OTUD7A: variants seen among roughly 807,000 people sequenced by gnomAD.
The protein encoded by OTUD7A is OTU domain-containing protein 7A.
OTUD7A carries 12 observed loss-of-function variants against 65.7 expected under a neutral mutation model. That is an observed-to-expected ratio of 0.18 (90% CI 0.12 to 0.30). The LOEUF (loss-of-function observed/expected upper bound fraction) is 0.30. Ranked by LOEUF, OTUD7A falls within the 10% of genes least tolerant of loss-of-function variation. OTUD7A has a pLI of 1.00. For missense variants in OTUD7A, 1,148 were observed against 1,304.8 expected, an observed-to-expected ratio of 0.88 and a Z score of 1.85; for synonymous variants, 641 against 586.3, an observed-to-expected ratio of 1.09 and a Z score of -1.35.
intron 1 of OTUD7A, among the ~76,000 whole-genome samples, chr15:31,781,131 T>G (rs1895528306): frequency 6.6e-6 from 1 of 152,166 alleles, no homozygotes; most frequent in African/African-American, 2.4e-5. Flanking sequence ...CCTATGCCCT[T>G]GCTTCTCAGT....
At chr15:31,685,524 T>G (rs1025251080) in intron 1 of OTUD7A, among the ~76,000 whole-genome samples, 3 of 150,252 alleles carry the variant, frequency 2.0e-5, no homozygotes, top group Non-Finnish European at 4.4e-5. Context: ...CCGGGCGTGG[T>G]GGCGGGCGCC....
intron 1 of OTUD7A, chr15:31,767,746 T>C: frequency 1.4e-6 from 1 of 712,718 alleles, no homozygotes; most frequent in Admixed American, 2.2e-5. Context: ...TTTCCTGAGA[T>C]AAATGTAATC....
At chr15:31,689,133 GT>G (rs773395782) in intron 1 of OTUD7A, among the ~76,000 whole-genome samples, 60 of 134,940 alleles carry the variant, frequency 4.4e-4, no homozygotes, top group Admixed American at 1.4e-3. Context: ...CACTACAGTT[GT>G]TTTTTTTTTC....
intron 1 of OTUD7A, among the ~76,000 whole-genome samples, chr15:31,729,318 A>G (rs1893977985): frequency 6.6e-6 from 1 of 152,230 alleles, no homozygotes; most frequent in Non-Finnish European, 1.5e-5. Context: ...TACCCTGTGG[A>G]TGAGCAAAAA....
At chr15:31,563,504 G>A (rs551312407) in intron 4 of OTUD7A, among the ~76,000 whole-genome samples, 31 of 152,216 alleles carry the variant, frequency 2.0e-4, no homozygotes, top group Non-Finnish European at 3.8e-4. Flanking sequence ...GGGTGAGGCC[G>A]ACAGAGAGGG....
intron 1 of OTUD7A, among the ~76,000 whole-genome samples, chr15:31,690,012 G>T (rs556686128): frequency 1.7e-3 from 257 of 152,284 alleles, no homozygotes; most frequent in Middle Eastern, 3.4e-3. Context: ...TTTACCTTTT[G>T]AGGCCATTTA....
chr15:31,818,771 G>T (rs927003778), intron 1 of OTUD7A, among the ~76,000 whole-genome samples: 1 of 152,240 alleles, frequency 6.6e-6, no homozygotes, highest in Admixed American at 6.5e-5. Flanking sequence ...AAGCATTACA[G>T]AACTCATGGT....
rs900613773 is a variant in OTUD7A at position 31,483,421 on chromosome 15, G to C, written c.2675C>G (p.Pro892Arg). The C allele has an allele frequency of 4.8e-5, 66 of 1,368,680 alleles. No homozygotes were observed. The highest frequency in any genetic ancestry group is 6.0e-5 in the Non-Finnish European group (64 of 1,060,716). 84.8% of individuals were successfully genotyped at this position (1,368,680 alleles called of 1,614,324 possible). Reference protein sequence around the residue: ...NGECGRGGPGPVQRRCQRENC... With the variant: ...NGECGRGGPGRVQRRCQRENC... ...CTCGCGCTGGCAGCGCCGCTGCACC[G>C]GCCCCGGGCCGCCACGGCCGCACTC... Residue 892 changes from proline (P) to arginine (R), a missense_variant, in exon 13 of 13, where the codon CCG (proline) becomes CGG (arginine). Physicochemically the swap from Pro to Arg is moderately radical, Grantham distance 103. This residue lies in a region of OTUD7A where 842 missense variants were observed against 769.5 expected (regional missense o/e 1.09). Transcript: ENST00000307050.
chr15:31,740,030 CA>C (rs1211836434), intron 1 of OTUD7A, among the ~76,000 whole-genome samples: 1 of 152,226 alleles, frequency 6.6e-6, no homozygotes, highest in East Asian at 1.9e-4. Context: ...CAGGATTTTA[CA>C]GGTGACAGAC....
chr15:31,690,315 T>A (rs2141316904), intron 1 of OTUD7A, among the ~76,000 whole-genome samples: 1 of 152,268 alleles, frequency 6.6e-6, no homozygotes, highest in South Asian at 2.1e-4. Flanking sequence ...TCACGAATAA[T>A]TTGCATATCT....
intron 2 of OTUD7A, among the ~76,000 whole-genome samples, chr15:31,655,942 A>C (rs1891978856): frequency 6.6e-6 from 1 of 152,140 alleles, no homozygotes. Flanking sequence ...TTATGCCTTT[A>C]TCAGTGTGCC....
chr15:31,777,211 T>C (rs1325013403), intron 1 of OTUD7A, among the ~76,000 whole-genome samples: 1 of 152,118 alleles, frequency 6.6e-6, no homozygotes, highest in African/African-American at 2.4e-5. Flanking sequence ...CATGACAGCC[T>C]TTTGGCAAGG....
chr15:31,668,757 G>A (rs1444567649), intron 1 of OTUD7A, among the ~76,000 whole-genome samples: 1 of 152,118 alleles, frequency 6.6e-6, no homozygotes, highest in East Asian at 1.9e-4. Context: ...TTGGTTTTCT[G>A]GTTTCTTCTC....
Position 31,484,298 on chromosome 15 carries a change from C to T in OTUD7A, c.1798G>A (p.Asp600Asn). The change falls in exon 13 of 13, where the codon GAC becomes AAC. Residue 600 changes from aspartate (D) to asparagine (N), a missense_variant. Asp to Asn is a conservative substitution (Grantham distance 23). Transcript: ENST00000307050. This position sits in a 1 kb window ranked among gnomAD's most constrained non-coding sequence, Gnocchi z 4.5. The stretch of plus-strand genomic sequence containing the variant: ...GCCGGCGACGCGCCCGCTGCCTTGT[C>T]TGTGGGCGACGGCGTGGTCTTTTCC... ...PSEKTTPSPT[D>N]KAAGASPAEK... 1 of 1,595,948 alleles carries T rather than the reference C, an allele frequency of 6.3e-7. No individual in the cohort carries two copies. Among genetic ancestry groups the T allele is most frequent in the Non-Finnish European group, 8.5e-7 (1 of 1,176,142 alleles).
chr15:31,855,587 T>A (rs1897549724), intron 1 of OTUD7A, among the ~76,000 whole-genome samples: 2 of 152,214 alleles, frequency 1.3e-5, no homozygotes, highest in Non-Finnish European at 2.9e-5. Flanking sequence ...TGGAATCTAT[T>A]TAAACAGAGC....
intron 1 of OTUD7A, among the ~76,000 whole-genome samples, chr15:31,693,717 T>C (rs2141320251): frequency 6.6e-6 from 1 of 152,254 alleles, no homozygotes; most frequent in South Asian, 2.1e-4. Flanking sequence ...CCAAAGAGGC[T>C]GTTCTAGCTG....
At chr15:31,837,316 C>T (rs1897077540) in intron 1 of OTUD7A, among the ~76,000 whole-genome samples, 1 of 146,680 alleles carries the variant, frequency 6.8e-6, no homozygotes, top group Non-Finnish European at 1.5e-5. Context: ...ATCATGAGGT[C>T]AAGAGTTCGA....
chr15:31,814,221 G>C (rs779312307), intron 1 of OTUD7A, among the ~76,000 whole-genome samples: 21 of 152,356 alleles, frequency 1.4e-4, no homozygotes, highest in Middle Eastern at 3.4e-3. Context: ...CATCGGCCAT[G>C]CAAGGGTGCT....
chr15:31,507,506 C>T (rs2141089982), intron 8 of OTUD7A, among the ~76,000 whole-genome samples: 1 of 152,194 alleles, frequency 6.6e-6, no homozygotes, highest in South Asian at 2.1e-4. Context: ...AATGAAGTCG[C>T]GTGTTACACC....
Sources: allele counts gnomAD v4.1 joint callset (sites outside exome capture counted in the v4.1 genomes callset), GRCh38; gene constraint gnomAD v4.1.1; regional missense constraint gnomAD v4.1.1; non-coding constraint Gnocchi (gnomAD v3.1); transcripts MANE v1.5; gene names NCBI Gene and HGNC (gene_info 2026-07-23, HGNC 2026-07-21).